The following SUMF1 variants were observed in gnomAD, a reference collection of about 807,000 sequenced individuals.
SUMF1 encodes sulfatase modifying factor 1.
Under a neutral mutation model 47.6 loss-of-function variants are expected in SUMF1, and 48 were observed. The observed-to-expected ratio is 1.01, with a 90% CI of 0.80 to 1.28. The LOEUF (loss-of-function observed/expected upper bound fraction) is 1.28, where lower values mean the gene tolerates loss of function less well. Ranked by LOEUF, SUMF1 falls within the 50% of genes most tolerant of loss-of-function variation. The pLI, the probability that SUMF1 is intolerant of heterozygous loss-of-function variation, is 0.00. For synonymous variants in SUMF1, 230 were observed against 192.1 expected (o/e 1.20, Z -1.63); for missense variants, 571 against 485.4 (o/e 1.18, Z -1.66).
At chr3:4,258,181 C>G (rs1265637564) in intron 8 of SUMF1, among the ~76,000 whole-genome samples, 1 of 149,778 alleles carries the variant, frequency 6.7e-6, no homozygotes, top group Non-Finnish European at 1.5e-5. Context: ...CTAGGCATTA[C>G]CATTCAGGAC....
chr3:4,143,180 C>G (rs1172191059), intron 8 of SUMF1, among the ~76,000 whole-genome samples: 2 of 152,082 alleles, frequency 1.3e-5, no homozygotes, highest in Non-Finnish European at 2.9e-5. Context: ...AGGTGCTGAA[C>G]AAACAACATC....
chr3:4,110,880 T>C (rs1693285457), intron 8 of SUMF1, among the ~76,000 whole-genome samples: 1 of 148,486 alleles, frequency 6.7e-6, no homozygotes, highest in South Asian at 2.2e-4. Context: ...CACTAGGAGA[T>C]ATACCTAATG....
At chr3:4,293,556 A>G (rs534812035) in intron 8 of SUMF1, among the ~76,000 whole-genome samples, 3 of 152,336 alleles carry the variant, frequency 2.0e-5, no homozygotes, top group African/African-American at 7.2e-5. Flanking sequence ...ATAATCTTAT[A>G]TGCAACAGAT....
chr3:4,082,261 C>T (rs962582693), intron 8 of SUMF1, among the ~76,000 whole-genome samples: 3 of 151,842 alleles, frequency 2.0e-5, no homozygotes, highest in African/African-American at 2.4e-5. Flanking sequence ...TGAGCTCAGG[C>T]GTTTGAGACC....
intron 8 of SUMF1, among the ~76,000 whole-genome samples, chr3:4,322,336 T>C (rs1698854960): frequency 6.6e-6 from 1 of 152,064 alleles, no homozygotes; most frequent in Admixed American, 6.6e-5. Flanking sequence ...CAATACATAA[T>C]AATATATATT....
At chr3:4,380,806 C>T (rs746102889) in intron 7 of SUMF1, among the ~76,000 whole-genome samples, 60 of 152,088 alleles carry the variant, frequency 3.9e-4, no homozygotes, top group Admixed American at 3.9e-3. Context: ...TCTCAAAAGG[C>T]CAAGGTACAG....
chr3:4,146,904 T>C (rs995082576), intron 8 of SUMF1, among the ~76,000 whole-genome samples: 1 of 152,160 alleles, frequency 6.6e-6, no homozygotes, highest in Non-Finnish European at 1.5e-5. Flanking sequence ...CCATGGTGTA[T>C]ATGTGCCACA....
intron 1 of SUMF1, among the ~76,000 whole-genome samples, chr3:4,458,381 T>C (rs1382505049): frequency 3.3e-5 from 5 of 152,152 alleles, no homozygotes; most frequent in South Asian, 2.1e-4. Flanking sequence ...CTTCTGGGTA[T>C]ATGGCCAAAG....
At chr3:4,335,970 A>AAAAAAAAAAC (rs1575107838) in intron 8 of SUMF1, among the ~76,000 whole-genome samples, 4 of 149,498 alleles carry the variant, frequency 2.7e-5, no homozygotes, top group South Asian at 2.3e-4. Flanking sequence ...CAAAAAAAAA[A>AAAAAAAAAAC]AAAAAAAAAA....
At chr3:4,461,930 A>T (rs2079824960) in intron 1 of SUMF1, among the ~76,000 whole-genome samples, 1 of 152,196 alleles carries the variant, frequency 6.6e-6, no homozygotes, top group Non-Finnish European at 1.5e-5. Context: ...TCTGAAGGTG[A>T]GATAACCCCT....
At chr3:4,201,881 C>A (rs552585991) in intron 8 of SUMF1, among the ~76,000 whole-genome samples, 2 of 151,846 alleles carry the variant, frequency 1.3e-5, no homozygotes, top group African/African-American at 2.4e-5. Flanking sequence ...TGTTAAGCAC[C>A]TTTTCAAATA....
chr3:4,035,721 A>T (rs1694781142), intron 9 of SUMF1, among the ~76,000 whole-genome samples: 1 of 152,166 alleles, frequency 6.6e-6, no homozygotes, highest in South Asian at 2.1e-4. Flanking sequence ...TTGGGCATAG[A>T]ACAAATGTGC....
chr3:4,418,724 C>G (rs1260214360), intron 4 of SUMF1, among the ~76,000 whole-genome samples: 1 of 152,214 alleles, frequency 6.6e-6, no homozygotes, highest in African/African-American at 2.4e-5. Context: ...CTGTTTCAGC[C>G]TCTGTTTCCA....
intron 8 of SUMF1, among the ~76,000 whole-genome samples, chr3:4,278,028 G>C (rs561630940): frequency 6.6e-6 from 1 of 151,698 alleles, no homozygotes; most frequent in Middle Eastern, 3.2e-3. Context: ...TTCTTTTTTC[G>C]CTACAACACA....
chr3:4,255,836 C>T (rs1430303405), intron 8 of SUMF1, among the ~76,000 whole-genome samples: 106 of 93,888 alleles, frequency 1.1e-3, no homozygotes, highest in Non-Finnish European at 1.6e-3. Flanking sequence ...CACACCACAC[C>T]TATTCCAAAA....
chr3:4,155,357 G>C (rs535968269), intron 8 of SUMF1, among the ~76,000 whole-genome samples: 1 of 151,506 alleles, frequency 6.6e-6, no homozygotes, highest in South Asian at 2.1e-4. Context: ...ATGAGGGAAG[G>C]GGAGCAAAAA....
intron 3 of SUMF1, among the ~76,000 whole-genome samples, chr3:4,428,687 C>CGAACATATT (rs1702141979): frequency 6.8e-6 from 1 of 146,630 alleles, no homozygotes; most frequent in South Asian, 2.2e-4. Context: ...ACGTCTACAG[C>CGAACATATT]GAACATATTT....
At chr3:4,256,032 A>G (rs1384875517) in intron 8 of SUMF1, among the ~76,000 whole-genome samples, 6 of 150,830 alleles carry the variant, frequency 4.0e-5, no homozygotes, top group Admixed American at 3.3e-4. Context: ...ACATAATAAA[A>G]TGAAGGCAGA....
chr3:4,329,698 A>G (rs1559228191), intron 8 of SUMF1, among the ~76,000 whole-genome samples: 2 of 152,252 alleles, frequency 1.3e-5, no homozygotes, highest in South Asian at 2.1e-4. Flanking sequence ...TGTCTTGGCA[A>G]TTAACACTTG....
Sources: gnomAD v4.1 joint callset for allele counts (sites outside exome capture counted in the v4.1 genomes callset) on GRCh38, gnomAD v4.1.1 for gene constraint, MANE v1.5 for transcripts, NCBI Gene and HGNC (gene_info 2026-07-23, HGNC 2026-07-21) for gene names.